The following ITPR1 variants were observed in gnomAD, a reference collection of about 807,000 sequenced individuals.
The protein encoded by ITPR1 is inositol 1,4,5-trisphosphate-gated calcium channel ITPR1.
Under a neutral mutation model 318.4 loss-of-function variants are expected in ITPR1, and 96 were observed. That is an observed-to-expected ratio of 0.30 (90% CI 0.26 to 0.36). ITPR1 has a LOEUF of 0.36. Among genes scored for constraint, ITPR1 ranks in the 10% least tolerant of loss-of-function variants. The probability of loss-of-function intolerance (pLI) is 1.00; values close to 1 mark genes in which losing one functional copy is unlikely to be tolerated. For synonymous variants in ITPR1, 1,312 were observed against 1,289.9 expected, an observed-to-expected ratio of 1.02 and a Z score of -0.37; for missense variants, 2,440 against 3,460.2, an observed-to-expected ratio of 0.71 and a Z score of 7.40.
rs1491502469 is a variant in ITPR1, at chr3:4,566,603, T to TGC, written c.163+45510_163+45511dup. Among the ~76,000 whole-genome samples, 9 of 46,774 alleles carry TGC rather than the reference T, an allele frequency of 1.9e-4. No homozygotes were observed. The East Asian group carries it at 5.3e-3, about 27-fold the overall frequency. 30.7% of individuals were successfully genotyped at this position (46,774 alleles called of 152,430 possible). On this transcript the variant is annotated intron_variant, in intron 4 of 61. Transcript: ENST00000649015. ...CCCAGGAAGCCTGAATGGGGACACA[T>TGC]GCACACACACACACACACACACACA...
At chr3:4,804,226 A>G (rs1048419276) in intron 54 of ITPR1, among the ~76,000 whole-genome samples, 2 of 152,236 alleles carry the variant, frequency 1.3e-5, no homozygotes, top group African/African-American at 4.8e-5. Flanking sequence ...GGAGAGGGAA[A>G]GTACCTGTGG....
At chr3:4,659,714 T>C (rs748889757) in intron 13 of ITPR1, among the ~76,000 whole-genome samples, 8 of 152,058 alleles carry the variant, frequency 5.3e-5, no homozygotes, top group East Asian at 1.9e-4. Flanking sequence ...GAAACTGTTA[T>C]AGTCAATTGT....
chr3:4,597,559 G>A (rs1418571800), intron 4 of ITPR1, among the ~76,000 whole-genome samples: 1 of 152,128 alleles, frequency 6.6e-6, no homozygotes, highest in Admixed American at 6.6e-5. Flanking sequence ...ACTTCTGGCT[G>A]GCATCACCGA....
At chr3:4,769,369 C>T (rs1014850201) in intron 46 of ITPR1, among the ~76,000 whole-genome samples, 3 of 152,132 alleles carry the variant, frequency 2.0e-5, no homozygotes, top group African/African-American at 7.2e-5. Context: ...TGTCTTGTAG[C>T]CTGTCACTGT....
intron 2 of ITPR1, among the ~76,000 whole-genome samples, chr3:4,500,820 G>C (rs1354266822): frequency 6.6e-6 from 1 of 152,070 alleles, no homozygotes; most frequent in Non-Finnish European, 1.5e-5. Context: ...CCCACTAAGA[G>C]GTTGTTAAAT....
chr3:4,529,732 T>C (rs918782285), intron 4 of ITPR1, among the ~76,000 whole-genome samples: 1 of 152,252 alleles, frequency 6.6e-6, no homozygotes, highest in African/African-American at 2.4e-5. Context: ...GTGTAATTAA[T>C]GATAACCTAC....
chr3:4,652,245 C>G (rs764508786), intron 11 of ITPR1, 27 bp downstream of exon 11: 4 of 1,547,868 alleles, frequency 2.6e-6, no homozygotes, highest in South Asian at 2.3e-5. Flanking sequence ...GTGGTTTTCT[C>G]TTTCAAGGCT....
chr3:4,808,969 G>C (rs1195897547), intron 55 of ITPR1, among the ~76,000 whole-genome samples: 1 of 152,204 alleles, frequency 6.6e-6, no homozygotes. Flanking sequence ...TTCATAAGCA[G>C]GCAGTTAACA....
chr3:4,669,309 G>A (rs745847446), intron 18 of ITPR1, among the ~76,000 whole-genome samples: 2 of 152,182 alleles, frequency 1.3e-5, no homozygotes, highest in South Asian at 2.1e-4. Context: ...TCCAACACAC[G>A]TAGCCAAACA....
intron 4 of ITPR1, among the ~76,000 whole-genome samples, chr3:4,578,882 C>T (rs2088979801): frequency 6.6e-6 from 1 of 152,186 alleles, no homozygotes; most frequent in African/African-American, 2.4e-5. Flanking sequence ...AAACAGTGAG[C>T]TTCACGTTGT....
intron 60 of ITPR1, among the ~76,000 whole-genome samples, chr3:4,820,373 C>A (rs2049615444): frequency 6.6e-6 from 1 of 152,148 alleles, no homozygotes; most frequent in Non-Finnish European, 1.5e-5. Flanking sequence ...TTACATCTTC[C>A]AGGGGCCAGT....
At chr3:4,650,619 G>GTGTGTC in intron 10 of ITPR1, among the ~76,000 whole-genome samples, 1 of 140,414 alleles carries the variant, frequency 7.1e-6, no homozygotes, top group Non-Finnish European at 1.6e-5. Flanking sequence ...GTGTGTGTGT[G>GTGTGTC]TGTGTGTGTG....
chr3:4,560,009 A>G (rs1490972992), intron 4 of ITPR1, among the ~76,000 whole-genome samples: 1 of 152,172 alleles, frequency 6.6e-6, no homozygotes, highest in Non-Finnish European at 1.5e-5. Flanking sequence ...TAGCTCTGTG[A>G]CTTTGGGTGA....
chr3:4,627,863 A>G lies in ITPR1; in HGVS notation c.264A>G (p.Leu88=), dbSNP rs1334094021. 1.9e-6 allele frequency: 3 copies of G among 1,610,644 alleles called. No homozygotes were observed. The highest frequency in any genetic ancestry group is 2.5e-6 in the Non-Finnish European group (3 of 1,177,426). The change falls in exon 5 of 62, where the codon CTA becomes CTG. Residue 88 remains leucine (L), a synonymous_variant. Coordinates refer to ENST00000649015, the MANE Select transcript of ITPR1 (RefSeq NM_001378452.1). ...PGANSTTDAV[L]LNKLHHAADL... is the part of the protein sequence containing the mutation. ...CCAACAGCACCACAGACGCAGTGCT[A>G]CTCAACAAACTGCACGTACGTATTG...
At chr3:4,844,923 T>A (rs1440001478) in intron 61 of ITPR1, among the ~76,000 whole-genome samples, 1 of 152,182 alleles carries the variant, frequency 6.6e-6, no homozygotes, top group Non-Finnish European at 1.5e-5. Flanking sequence ...TGAACCTAGG[T>A]AAATTAGTCT....
At chr3:4,677,648 G>T (rs1456568634) in intron 24 of ITPR1, among the ~76,000 whole-genome samples, 1 of 152,198 alleles carries the variant, frequency 6.6e-6, no homozygotes, top group South Asian at 2.1e-4. Context: ...TGGACAGATT[G>T]CCTGTAAGGA....
chr3:4,823,841 A>T (rs567787295), intron 60 of ITPR1, among the ~76,000 whole-genome samples: 1 of 152,320 alleles, frequency 6.6e-6, no homozygotes, highest in Admixed American at 6.5e-5. Context: ...CACTATATAC[A>T]TGTAACACAA....
At chr3:4,602,059 G>C (rs888008751) in intron 4 of ITPR1, among the ~76,000 whole-genome samples, 6 of 152,198 alleles carry the variant, frequency 3.9e-5, no homozygotes, top group African/African-American at 1.4e-4. Context: ...TGAGAATGTG[G>C]AGAAATGGCA....
At chr3:4,845,533 T>C (rs1021508232) in intron 61 of ITPR1, among the ~76,000 whole-genome samples, 11 of 152,238 alleles carry the variant, frequency 7.2e-5, no homozygotes, top group African/African-American at 2.4e-4. Context: ...CGAGCCTCAG[T>C]GTCTACTGGG....
Sources: allele counts gnomAD v4.1 joint callset (sites outside exome capture counted in the v4.1 genomes callset), GRCh38; gene constraint gnomAD v4.1.1; transcripts MANE v1.5; gene names NCBI Gene and HGNC (gene_info 2026-07-23, HGNC 2026-07-21).